Variants in ZCWPW2 observed in about 807,000 individuals in gnomAD.
ZCWPW2 encodes the protein zinc finger CW-type and PWWP domain containing 2, also known as zinc finger CW-type PWWP domain protein 2.
Under a neutral mutation model 46.6 loss-of-function variants are expected in ZCWPW2, and 45 were observed. The observed-to-expected ratio is 0.96, with a 90% CI of 0.76 to 1.24. The LOEUF (loss-of-function observed/expected upper bound fraction) is 1.24, where lower values mean the gene tolerates loss of function less well. ZCWPW2 is among the 50% of genes most tolerant of loss of function. The pLI, the probability that ZCWPW2 is intolerant of heterozygous loss-of-function variation, is 0.00. For synonymous variants in ZCWPW2, 152 were observed against 137.1 expected (o/e 1.11, Z -0.76); for missense variants, 429 against 403.9 (o/e 1.06, Z -0.53).
chr3:28,435,115 C>T lies in ZCWPW2; in HGVS notation c.338C>T (p.Pro113Leu). Residue 113 changes from proline to leucine, a missense_variant, in exon 4 of 10, where the codon CCA becomes CTA. Transcript: ENST00000383768. ...LVKLQNWPSW[P>L]GILCPDRFKG... ...CAAATATTTTCTTTTGAAAGTTGGC[C>T]AGGAATACTTTGCCCTGACCGTTTT... The T allele has an allele frequency of 1.2e-6, 2 of 1,605,384 alleles. No individual in the cohort carries two copies. Among genetic ancestry groups the T allele is most frequent in the Non-Finnish European group, 1.7e-6 (2 of 1,178,034 alleles).
intron 4 of ZCWPW2, among the ~76,000 whole-genome samples, chr3:28,459,570 A>G (rs560561177): frequency 7.2e-5 from 11 of 152,182 alleles, no homozygotes; most frequent in Non-Finnish European, 1.5e-4. Flanking sequence ...GTATGAAAGT[A>G]TTTATGAAGC....
chr3:28,521,002 G>A lies in ZCWPW2; in HGVS notation c.795G>A (p.Glu265=). ...ALSKENRVVC[E]TEVLLKELEQ... ...ATCCTGTTTTTTTAGTTGTCTGTGA[G>A]ACGGAAGTTTTACTAAAAGAGCTGG... Residue 265 remains glutamate (E), a synonymous_variant, in exon 9 of 10, where the codon GAG becomes GAA. Transcript: ENST00000383768. 2 of 1,613,510 alleles carry A rather than the reference G, an allele frequency of 1.2e-6. No individual in the cohort carries two copies. The highest frequency in any genetic ancestry group is 2.2e-5 in the East Asian group (1 of 44,756).
intron 2 of ZCWPW2, among the ~76,000 whole-genome samples, chr3:28,411,924 T>C (rs906398780): frequency 6.6e-6 from 1 of 152,106 alleles, no homozygotes; most frequent in African/African-American, 2.4e-5. Context: ...TTGGTCTTTT[T>C]AAAATTTATT....
chr3:28,505,381 C>G (rs1274433293), intron 6 of ZCWPW2, among the ~76,000 whole-genome samples: 1 of 152,074 alleles, frequency 6.6e-6, no homozygotes, highest in East Asian at 1.9e-4. Context: ...TAGACTGGAG[C>G]ATGTAGCAAT....
chr3:28,497,652 G>C (rs1700029035), intron 6 of ZCWPW2, among the ~76,000 whole-genome samples: 1 of 152,052 alleles, frequency 6.6e-6, no homozygotes, highest in Non-Finnish European at 1.5e-5. Context: ...GTTATGCGTT[G>C]GCCTGTGCTG....
At chr3:28,360,233 C>T (rs571078122) in intron 1 of ZCWPW2, among the ~76,000 whole-genome samples, 21 of 150,730 alleles carry the variant, frequency 1.4e-4, no homozygotes, top group East Asian at 3.9e-4. Context: ...TGGCCGGGCG[C>T]GGTGGCTCAC....
chr3:28,516,986 TG>T (rs1700590121), intron 8 of ZCWPW2, among the ~76,000 whole-genome samples: 1 of 152,194 alleles, frequency 6.6e-6, no homozygotes, highest in Non-Finnish European at 1.5e-5. Flanking sequence ...CACTCCACTC[TG>T]GGTTACAGAA....
At chr3:28,486,409 T>C (rs1468513089) in intron 5 of ZCWPW2, among the ~76,000 whole-genome samples, 2 of 151,638 alleles carry the variant, frequency 1.3e-5, no homozygotes, top group Non-Finnish European at 2.9e-5. Flanking sequence ...ACTTATTCAG[T>C]TTTCAGTGCT....
intron 1 of ZCWPW2, among the ~76,000 whole-genome samples, chr3:28,366,830 T>C (rs1705135721): frequency 6.6e-6 from 1 of 152,230 alleles, no homozygotes; most frequent in South Asian, 2.1e-4. Context: ...AGCCTGTTAT[T>C]GGTCTATTCA....
chr3:28,467,927 C>G (rs538724048), intron 4 of ZCWPW2, among the ~76,000 whole-genome samples: 1 of 152,076 alleles, frequency 6.6e-6, no homozygotes, highest in Non-Finnish European at 1.5e-5. Flanking sequence ...GATGAACATG[C>G]ACAAGCATCA....
intron 4 of ZCWPW2, among the ~76,000 whole-genome samples, chr3:28,450,358 G>A (rs1419451891): frequency 3.3e-5 from 5 of 152,130 alleles, no homozygotes; most frequent in Non-Finnish European, 7.4e-5. Context: ...GTTTAACTGA[G>A]CACAACGTTG....
At chr3:28,459,408 T>A (rs1458154485) in intron 4 of ZCWPW2, among the ~76,000 whole-genome samples, 1 of 152,086 alleles carries the variant, frequency 6.6e-6, no homozygotes, top group Non-Finnish European at 1.5e-5. Context: ...AACGTATTCT[T>A]GAAATCACTC....
At chr3:28,403,018 C>T (rs1412897400) in intron 2 of ZCWPW2, among the ~76,000 whole-genome samples, 1 of 152,106 alleles carries the variant, frequency 6.6e-6, no homozygotes, top group African/African-American at 2.4e-5. Flanking sequence ...CACCACTTCT[C>T]TTCCACATAG....
At chr3:28,352,163 C>CG (rs1559469435) in intron 1 of ZCWPW2, among the ~76,000 whole-genome samples, 2 of 147,648 alleles carry the variant, frequency 1.4e-5, no homozygotes, top group South Asian at 2.2e-4. Context: ...CACACACACA[C>CG]ACACGAGAGA....
chr3:28,521,004 C>T lies in ZCWPW2; in HGVS notation c.797C>T (p.Thr266Met), dbSNP rs761086627. The change falls in exon 9 of 10, where the codon ACG becomes ATG. Residue 266 changes from threonine (T) to methionine (M), a missense_variant. Transcript: ENST00000383768. ...CCTGTTTTTTTAGTTGTCTGTGAGA[C>T]GGAAGTTTTACTAAAAGAGCTGGAG... ...LSKENRVVCE[T>M]EVLLKELEQM... The T allele has an allele frequency of 9.9e-6, 16 of 1,613,120 alleles. No homozygotes were observed. In the Admixed American group the frequency reaches 1.2e-4, roughly 12 times the overall value.
intron 6 of ZCWPW2, among the ~76,000 whole-genome samples, chr3:28,513,666 C>A (rs1466965836): frequency 2.0e-5 from 3 of 152,084 alleles, no homozygotes; most frequent in Non-Finnish European, 4.4e-5. Flanking sequence ...TCTTTTGGGC[C>A]CTCACTATGT....
intron 5 of ZCWPW2, among the ~76,000 whole-genome samples, chr3:28,483,847 G>A (rs1467003766): frequency 6.6e-6 from 1 of 152,080 alleles, no homozygotes. Flanking sequence ...CTGCAACCTT[G>A]CTATAATCTA....
intron 4 of ZCWPW2, among the ~76,000 whole-genome samples, chr3:28,462,848 C>T (rs1045977099): frequency 3.9e-5 from 6 of 152,126 alleles, no homozygotes; most frequent in African/African-American, 1.4e-4. Flanking sequence ...TAGCACAAAC[C>T]TTGTTCAGCG....
rs554704175 is a variant in ZCWPW2, at chr3:28,512,376, C to T, written c.658-1688C>T. On this transcript the variant is annotated intron_variant, in intron 6 of 9. Transcript: ENST00000383768. ...TATTTTTTATTTTTAGTAGAGACAG[C>T]GTTTTGCCATGTTGAGCAGGCTAGT... Among the ~76,000 whole-genome samples the T allele has an allele frequency of 2.0e-5, 3 of 151,592 alleles. No homozygotes were observed. The South Asian group carries it at 6.2e-4, about 32-fold the overall frequency.
Sources: gnomAD v4.1 joint callset for allele counts (sites outside exome capture counted in the v4.1 genomes callset) on GRCh38, gnomAD v4.1.1 for gene constraint, MANE v1.5 for transcripts, NCBI Gene and HGNC (gene_info 2026-07-23, HGNC 2026-07-21) for gene names.